CEP350: variants seen among roughly 807,000 people sequenced by gnomAD.
CEP350 encodes the protein centrosome-associated protein 350.
Under a neutral mutation model 331.8 loss-of-function variants are expected in CEP350, and 126 were observed. The observed-to-expected ratio is 0.38, with a 90% CI of 0.33 to 0.44. The LOEUF is 0.44. CEP350 is among the 20% of genes least tolerant of loss of function. CEP350 has a pLI of 1.00. For missense variants in CEP350, 3,406 were observed against 3,634.6 expected (o/e 0.94, Z 1.62); for synonymous variants, 1,200 against 1,259.5 (o/e 0.95, Z 1.00).
Position 180,094,569 on chromosome 1 carries a change from G to A in CEP350, c.8464G>A (p.Glu2822Lys), listed in dbSNP as rs1660372924. The A allele has an allele frequency of 1.2e-6, 2 of 1,613,702 alleles. No homozygotes were observed. The highest frequency in any genetic ancestry group is 1.7e-5 in the Admixed American group (1 of 59,960). ...AGGTTGCTTCTTAAGTTCTGAATTG[G>A]AAGATGAAAAAGAAGAGATTTCCTC... is the stretch of plus-strand genomic sequence containing the variant. ...ISGCFLSSEL[E>K]DEKEEISSPD... is the part of the protein sequence containing the mutation. Residue 2822 changes from glutamate (E) to lysine (K), a missense_variant, in exon 34 of 38, where the codon GAA (glutamate) becomes AAA (lysine). Physicochemically the swap from Glu to Lys is moderately conservative, Grantham distance 56 (BLOSUM62 1). Coordinates refer to ENST00000367607, the MANE Select transcript of CEP350 (RefSeq NM_014810.5).
At chr1:179,986,831 A>G (rs904050391) in intron 2 of CEP350, among the ~76,000 whole-genome samples, 4 of 152,150 alleles carry the variant, frequency 2.6e-5, no homozygotes, top group Non-Finnish European at 5.9e-5. Context: ...GATTTTACCT[A>G]TGTTTTTACT....
intron 37 of CEP350, among the ~76,000 whole-genome samples, chr1:180,106,750 G>A (rs1661167899): frequency 6.6e-6 from 1 of 151,754 alleles, no homozygotes; most frequent in Middle Eastern, 3.2e-3. Flanking sequence ...TATTTAATTA[G>A]TAGTCATTCA....
chr1:179,981,560 A>G (rs1047933588), intron 1 of CEP350, among the ~76,000 whole-genome samples: 1 of 152,220 alleles, frequency 6.6e-6, no homozygotes, highest in African/African-American at 2.4e-5. Context: ...TGATTTAAAA[A>G]ATGTATTCTT....
rs952245120 is a variant in CEP350, at chr1:179,996,618, T to C, written c.461T>C (p.Val154Ala). The C allele has an allele frequency of 2.3e-5, 37 of 1,608,540 alleles. No individual in the cohort carries two copies. Among genetic ancestry groups the C allele is most frequent in the Non-Finnish European group, 2.8e-5 (33 of 1,177,104 alleles). Residue 154 changes from valine (V) to alanine (A), a missense_variant, in exon 6 of 38, where the codon GTA (valine) becomes GCA (alanine). Val to Ala is a moderately conservative substitution (Grantham distance 64, BLOSUM62 0). This residue lies in a region of CEP350 where 1,857 missense variants were observed against 1,909.2 expected (regional missense o/e 0.97). Transcript: ENST00000367607. ...CTGGAATCAAAGCACGTATACTGTGTAGATGTTAATGAAGAAAAGACTGAG... is the reference window on the plus strand; with the variant it reads ...CTGGAATCAAAGCACGTATACTGTGCAGATGTTAATGAAGAAAAGACTGAG... ...SHLESKHVYC[V>A]DVNEEKTESG...
chr1:179,997,575 C>T lies in CEP350; in HGVS notation c.1018+400C>T, dbSNP rs376981820. ...AAAAAAAAAAAATTATTTCAACATA[C>T]ATGTTAAAAATACAGATTCCTAGAT... is the stretch of plus-strand genomic sequence containing the variant. On this transcript the variant is annotated intron_variant, in intron 6 of 37. Coordinates refer to ENST00000367607, the MANE Select transcript of CEP350 (RefSeq NM_014810.5). Among the ~76,000 whole-genome samples, 12 of 151,250 alleles carry T rather than the reference C, an allele frequency of 7.9e-5. No individual in the cohort carries two copies. In the East Asian group the frequency reaches 1.7e-3, roughly 22 times the overall value.
chr1:180,015,509 C>T (rs978588437), intron 10 of CEP350, among the ~76,000 whole-genome samples: 2 of 152,174 alleles, frequency 1.3e-5, no homozygotes, highest in Admixed American at 1.3e-4. Context: ...GCTGGGATTA[C>T]AGGCGTGAGC....
At chr1:180,069,511 C>T (rs1658761433) in intron 27 of CEP350, among the ~76,000 whole-genome samples, 1 of 152,094 alleles carries the variant, frequency 6.6e-6, no homozygotes, top group South Asian at 2.1e-4. Flanking sequence ...ACATTCTAGT[C>T]TATGTGTAGT....
In CEP350 at chr1:180,020,913, G is replaced by T; in HGVS notation, c.3139G>T (p.Gly1047Cys). ...CTTGCCACTTTTTGGGCACATAGGT[G>T]GTACACAAAGCAAAGGACCATGGGA... Reference protein sequence around the residue: ...KFLPLFGHIGGTQSKGPWEEL... With the variant: ...KFLPLFGHIGCTQSKGPWEEL... The change falls in exon 12 of 38, where the codon GGT becomes TGT. Residue 1047 changes from glycine (G) to cysteine (C), a missense_variant. Coordinates refer to ENST00000367607, the MANE Select transcript of CEP350 (RefSeq NM_014810.5). The T allele has an allele frequency of 6.2e-7, 1 of 1,612,322 alleles. No homozygotes were observed. The highest frequency in any genetic ancestry group is 8.5e-7 in the Non-Finnish European group (1 of 1,179,628).
At chr1:180,005,367 T>A (rs2501611) in intron 7 of CEP350, among the ~76,000 whole-genome samples, 86,287 of 151,734 alleles carry the variant, frequency 0.57, 26,355 homozygotes, top group East Asian at 0.71. Context: ...TCCCTCTAAT[T>A]GTTCAGGCCC....
chr1:180,100,362 A>G (rs541745208), intron 37 of CEP350, among the ~76,000 whole-genome samples: 1 of 152,342 alleles, frequency 6.6e-6, no homozygotes, highest in African/African-American at 2.4e-5. Flanking sequence ...TCCTATTTCT[A>G]TCATGTCTTA....
At chr1:180,097,993 G>A (rs753031243) in intron 36 of CEP350, among the ~76,000 whole-genome samples, 5 of 152,064 alleles carry the variant, frequency 3.3e-5, no homozygotes, top group Non-Finnish European at 7.4e-5. Flanking sequence ...TTCTTGAGGT[G>A]GAGTTTCACT....
At chr1:180,016,051 G>C in intron 11 of CEP350, 81 bp downstream of exon 11, 1 of 1,517,556 alleles carries the variant, frequency 6.6e-7, no homozygotes, top group Non-Finnish European at 9.0e-7. Context: ...GAATTTTGTT[G>C]ACTTTTGTGA....
rs768082559 is a variant in CEP350, at chr1:180,111,175, A to C, written c.*14A>C. On this transcript the variant is annotated 3_prime_UTR_variant, in exon 38 of 38. Transcript: ENST00000367607. ...CTACTTGTGTGACATCTTGCAAATA[A>C]ATCGAACGCTGAGTGCTAATGTGAG... 6.2e-7 allele frequency: 1 copy of C among 1,612,908 alleles called. No homozygotes were observed. The highest frequency in any genetic ancestry group is 8.5e-7 in the Non-Finnish European group (1 of 1,179,196).
intron 31 of CEP350, among the ~76,000 whole-genome samples, chr1:180,085,134 C>T (rs900418094): frequency 6.6e-6 from 1 of 151,138 alleles, no homozygotes; most frequent in African/African-American, 2.4e-5. Flanking sequence ...TTCCCCTTTC[C>T]CCTTCCCTTC....
chr1:180,105,329 A>G (rs1314500063), intron 37 of CEP350, among the ~76,000 whole-genome samples: 2 of 151,822 alleles, frequency 1.3e-5, no homozygotes, highest in Non-Finnish European at 2.9e-5. Context: ...TTATTTGTCT[A>G]CACTCCTTCT....
At chr1:180,006,945 T>G (rs1205499608) in intron 8 of CEP350, among the ~76,000 whole-genome samples, 2 of 152,196 alleles carry the variant, frequency 1.3e-5, no homozygotes, top group African/African-American at 4.8e-5. Context: ...GAACTCATCC[T>G]TTTTTATGGC....
At position 179,972,254 on chromosome 1, in the gene CEP350, G is replaced by A. The variant is rs192744867; in HGVS notation, c.-13-13915G>A. Among the ~76,000 whole-genome samples the A allele has an allele frequency of 1.3e-3, 204 of 152,208 alleles. 1 individual carries two copies. The highest frequency in any genetic ancestry group is 4.6e-3 in the African/African-American group (193 of 41,536). On this transcript the variant is annotated intron_variant, in intron 1 of 37. Transcript: ENST00000367607. ...GAAAGCCTTTTGCAAGAGTGAGGTC[G>A]CCCAGCGAGAGAGTATAGTGTTAGA... is the stretch of plus-strand genomic sequence containing the variant.
intron 13 of CEP350, among the ~76,000 whole-genome samples, chr1:180,023,094 C>G (rs563966433): frequency 6.6e-6 from 1 of 152,208 alleles, no homozygotes; most frequent in South Asian, 2.1e-4. Context: ...CTGCTTCCTT[C>G]TCTGTAAAAT....
chr1:179,978,536 C>G (rs1270730488), intron 1 of CEP350, among the ~76,000 whole-genome samples: 1 of 151,940 alleles, frequency 6.6e-6, no homozygotes. Context: ...TCTCCTAAGC[C>G]CCCTTAACCC....
Sources: gnomAD v4.1 joint callset for allele counts (sites outside exome capture counted in the v4.1 genomes callset) on GRCh38, gnomAD v4.1.1 for gene constraint, gnomAD v4.1.1 regional missense constraint, MANE v1.5 for transcripts, NCBI Gene and HGNC (gene_info 2026-07-23, HGNC 2026-07-21) for gene names.